Variants in ITIH4 observed in about 807,000 individuals in gnomAD.
The protein encoded by ITIH4 is inter-alpha-trypsin inhibitor heavy chain H4.
A neutral mutation model predicts 111.8 loss-of-function variants in ITIH4; 79 were observed. The ratio of observed to expected loss-of-function variants is 0.71; its 90% CI spans 0.59 to 0.85. The LOEUF is 0.85. Among genes scored for constraint, ITIH4 ranks in the 40% least tolerant of loss-of-function variants. The pLI, the probability that ITIH4 is intolerant of heterozygous loss-of-function variation, is 0.00. For synonymous variants in ITIH4, 472 were observed against 468.3 expected, an observed-to-expected ratio of 1.01 and a Z score of -0.10; for missense variants, 1,065 against 1,195.8, an observed-to-expected ratio of 0.89 and a Z score of 1.61.
chr3:52,818,485 C>T lies in ITIH4; in HGVS notation c.2129G>A (p.Arg710His), dbSNP rs571010819. The change falls in exon 18 of 24, where the codon CGT (arginine) becomes CAT (histidine). Residue 710 changes from arginine to histidine, a missense_variant. Coordinates refer to ENST00000266041, the MANE Select transcript of ITIH4 (RefSeq NM_002218.5). The part of the protein sequence containing the change: ...ATSNPDPAVS[R>H]VMNMKIEETT... ...ACCTTCGATTTTCATATTCATGACACGAGACACAGCTGGATCAGGATTTGA... is the reference window on the plus strand; with the variant it reads ...ACCTTCGATTTTCATATTCATGACATGAGACACAGCTGGATCAGGATTTGA... 26 of 1,605,004 alleles carry T rather than the reference C, an allele frequency of 1.6e-5. No homozygotes were observed. Among genetic ancestry groups the T allele is most frequent in the Admixed American group, 1.2e-4 (7 of 58,656 alleles).
chr3:52,828,695 G>A (rs1197466366), intron 2 of ITIH4, among the ~76,000 whole-genome samples: 2 of 152,152 alleles, frequency 1.3e-5, no homozygotes, highest in African/African-American at 4.8e-5. Flanking sequence ...TCCCAGCTGG[G>A]GCAGACCTAG....
chr3:52,819,984 G>T lies in ITIH4; in HGVS notation c.1868C>A (p.Thr623Asn). 6.2e-7 allele frequency: 1 copy of T among 1,614,068 alleles called. No individual in the cohort carries two copies. Reference sequence around the variant, plus strand: ...TCCCTGGAGATAATATTTGAAGAAAGTGGAACCTGGAAATCAGTGGGACCT... The same window carrying T: ...TCCCTGGAGATAATATTTGAAGAAATTGGAACCTGGAAATCAGTGGGACCT... ...SRNRNVHSGSTFFKYYLQGAK... is the reference protein window; with the variant it reads ...SRNRNVHSGSNFFKYYLQGAK... The change falls in exon 15 of 24, where the codon ACT becomes AAT. Residue 623 changes from threonine (T) to asparagine (N), a missense_variant. Transcript: ENST00000266041.
Position 52,824,434 on chromosome 3 carries a change from C to T in ITIH4, c.1008G>A (p.Lys336=), listed in dbSNP as rs1559481312. The change falls in exon 8 of 24, where the codon AAG becomes AAA. Residue 336 remains lysine, a synonymous_variant. Transcript: ENST00000266041. The surrounding 1 kb of genome is among the most constrained non-coding windows in gnomAD (Gnocchi z 4.3). ...LVPASAENVN[K]ARSFAAGIQA... is the part of the protein sequence containing the mutation. ...GGATGCCCGCAGCAAAGCTCCTGGC[C>T]TTGTTCACGTTCTCGGCTGAGGCTG... 1 of 1,614,200 alleles carries T rather than the reference C, an allele frequency of 6.2e-7. No homozygotes were observed. Among genetic ancestry groups the T allele is most frequent in the Admixed American group, 1.7e-5 (1 of 60,032 alleles).
At chr3:52,817,085 T>C (rs753653622) in intron 20 of ITIH4, 27 bp from the exon 21 acceptor site, 2 of 1,599,504 alleles carry the variant, frequency 1.3e-6, no homozygotes, top group South Asian at 2.2e-5. Flanking sequence ...AGAGAGGTCA[T>C]AGCTGGGCCC....
In ITIH4 at chr3:52,821,092, C is replaced by T. The variant is rs1275972298; in HGVS notation, c.1578G>A (p.Val526=). 4.5e-5 allele frequency: 73 copies of T among 1,613,780 alleles called. No individual in the cohort carries two copies. Among genetic ancestry groups the T allele is most frequent in the Non-Finnish European group, 6.1e-5 (72 of 1,180,046 alleles). The change falls in exon 12 of 24, where the codon GTG becomes GTA. Residue 526 remains valine (V), a synonymous_variant. Transcript: ENST00000266041. The stretch of plus-strand genomic sequence containing the variant: ...TCTGGAACTCCGCCTCCTGCTCTGC[C>T]ACACTGGACTCCGTTTGGAAAGTGA... ...QNITFQTESS[V]AEQEAEFQSP...
chr3:52,826,984 C>T, intron 3 of ITIH4, 31 bp from the exon 4 acceptor site: 5 of 1,613,900 alleles, frequency 3.1e-6, no homozygotes, highest in Non-Finnish European at 4.2e-6. Flanking sequence ...GCCTGCTCCT[C>T]CAGGACAGGT....
At chr3:52,829,841 G>GA (rs898574712) in intron 1 of ITIH4, 3 of 160,506 alleles carry the variant, frequency 1.9e-5, no homozygotes, top group African/African-American at 7.2e-5. Flanking sequence ...TGAGAGTTGG[G>GA]AATCTTCCTC....
Position 52,819,480 on chromosome 3 carries a change from C to A in ITIH4, c.1990G>T (p.Val664Phe). The change falls in exon 17 of 24, where the codon GTT becomes TTT. Residue 664 changes from valine (V) to phenylalanine (F), a missense_variant. By Grantham distance (50) the Val-to-Phe change is conservative. Transcript: ENST00000266041. ...AGSRMNFRPG[V>F]LSSRQLGLPG... ...AGTCCAAGTTGCCTGGAGCTGAGAACCCCAGGTCTGAAATTCATCCGGGAG... is the reference window on the plus strand; with the variant it reads ...AGTCCAAGTTGCCTGGAGCTGAGAAACCCAGGTCTGAAATTCATCCGGGAG... 1 of 1,614,132 alleles carries A rather than the reference C, an allele frequency of 6.2e-7. No individual in the cohort carries two copies. The highest frequency in any genetic ancestry group is 8.5e-7 in the Non-Finnish European group (1 of 1,180,008).
chr3:52,825,779 A>T, intron 6 of ITIH4, 107 bp downstream of exon 6: 1 of 1,275,136 alleles, frequency 7.8e-7, no homozygotes, highest in Non-Finnish European at 1.1e-6. Flanking sequence ...CCTGGTGCAC[A>T]CTGCTAAGTA....
Position 52,823,540 on chromosome 3 carries a change from C to T in ITIH4, c.1539+16G>A. ...AGGCTGCCATTCCCCTCCAGGGTGG[C>T]TTTGGCCACACTCACCAGCTTCCCA... On this transcript the variant is annotated intron_variant, in intron 11 of 23. Coordinates refer to ENST00000266041, the MANE Select transcript of ITIH4 (RefSeq NM_002218.5). 1 of 1,584,098 alleles carries T rather than the reference C, an allele frequency of 6.3e-7. No individual in the cohort carries two copies. The highest frequency in any genetic ancestry group is 8.6e-7 in the Non-Finnish European group (1 of 1,163,560).
At position 52,829,231 on chromosome 3, in the gene ITIH4, G is replaced by C; in HGVS notation, c.139C>G (p.Arg47Gly). 2 of 1,613,508 alleles carry C rather than the reference G, an allele frequency of 1.2e-6. No homozygotes were observed. Among genetic ancestry groups the C allele is most frequent in the Non-Finnish European group, 1.7e-6 (2 of 1,179,548 alleles). Reference sequence around the variant, plus strand: ...CTGGTGACGACCGTGTGGGCAAATCGGGATGAGACCCTGGAGTCCACGGTG... The same window carrying C: ...CTGGTGACGACCGTGTGGGCAAATCCGGATGAGACCCTGGAGTCCACGGTG... ...SLTVDSRVSS[R>G]FAHTVVTSRV... is the part of the protein sequence containing the mutation. The change falls in exon 2 of 24, where the codon CGA (arginine) becomes GGA (glycine). Residue 47 changes from arginine to glycine, a missense_variant. Transcript: ENST00000266041.
intron 2 of ITIH4, 132 bp downstream of exon 2, chr3:52,828,987 A>G: frequency 1.4e-6 from 1 of 739,236 alleles, no homozygotes. Context: ...GTGTGGCCCC[A>G]GGTGCAGGGT....
At chr3:52,827,014 T>C in intron 3 of ITIH4, 61 bp from the exon 4 acceptor site, 1 of 1,612,288 alleles carries the variant, frequency 6.2e-7, no homozygotes, top group Non-Finnish European at 8.5e-7. Context: ...CTGGTAGAGG[T>C]GGGAGCAGGA....
At chr3:52,820,569 G>C in intron 13 of ITIH4, 62 bp downstream of exon 13, 1 of 1,540,980 alleles carries the variant, frequency 6.5e-7, no homozygotes, top group East Asian at 2.3e-5. Flanking sequence ...AGGGAAGATC[G>C]GGGAGAACGC....
chr3:52,830,579 T>A lies in ITIH4; in HGVS notation c.64A>T (p.Ile22Phe), dbSNP rs776100213. ...KVLVLLSLLA[I>F]HQTTTAEKNG... ...TTTTCGGCAGTAGTAGTCTGGTGGATGGCCAGCAGTGAAAGCAGGACGAGA... is the reference window on the plus strand; with the variant it reads ...TTTTCGGCAGTAGTAGTCTGGTGGAAGGCCAGCAGTGAAAGCAGGACGAGA... The change falls in exon 1 of 24, where the codon ATC becomes TTC. Residue 22 changes from isoleucine (I) to phenylalanine (F), a missense_variant. Transcript: ENST00000266041. The A allele has an allele frequency of 2.5e-6, 4 of 1,614,172 alleles. No homozygotes were observed. In the Admixed American group the frequency reaches 6.7e-5, roughly 27 times the overall value.
At chr3:52,829,003 C>G in intron 2 of ITIH4, 116 bp downstream of exon 2, 2 of 949,146 alleles carry the variant, frequency 2.1e-6, no homozygotes. Context: ...AGGGTGTACT[C>G]CTGAAGATGT....
chr3:52,823,511 G>A (rs994675543), intron 11 of ITIH4, 45 bp downstream of exon 11: 3 of 1,497,588 alleles, frequency 2.0e-6, no homozygotes, highest in South Asian at 2.4e-5. Flanking sequence ...GGCTGCAGAG[G>A]TGGAGGCTGC....
chr3:52,824,760 G>A lies in ITIH4; in HGVS notation c.876+82C>T. ...CCCATGGTGCCGAAAGGTGAAGCAA[G>A]GGGGTCTGCCTGCCGGACCACAGCT... On this transcript the variant is annotated intron_variant, in intron 7 of 23. Coordinates refer to ENST00000266041, the MANE Select transcript of ITIH4 (RefSeq NM_002218.5). The surrounding 1 kb of genome is among the most constrained non-coding windows in gnomAD (Gnocchi z 4.3). 1.5e-6 allele frequency: 2 copies of A among 1,318,826 alleles called. No individual in the cohort carries two copies. Among genetic ancestry groups the A allele is most frequent in the Non-Finnish European group, 2.1e-6 (2 of 940,332 alleles). The allele number at this position is 1,318,826 out of a possible 1,614,324, so 81.7% of individuals were successfully genotyped here. A position where few individuals can be genotyped will look rare whatever the true frequency, so the allele number is the denominator to read the frequency against.
At chr3:52,813,928 C>T in intron 23 of ITIH4, 47 bp downstream of exon 23, 3 of 1,503,768 alleles carry the variant, frequency 2.0e-6, no homozygotes, top group Non-Finnish European at 1.8e-6. Context: ...CCTGCCAGTC[C>T]CCACCCCACC....
Sources: allele counts gnomAD v4.1 joint callset (sites outside exome capture counted in the v4.1 genomes callset), GRCh38; gene constraint gnomAD v4.1.1; non-coding constraint Gnocchi (gnomAD v3.1); transcripts MANE v1.5; gene names NCBI Gene and HGNC (gene_info 2026-07-23, HGNC 2026-07-21).